NLGN4X: variants seen among roughly 807,000 people sequenced by gnomAD.
NLGN4X encodes the protein neuroligin 4 X-linked.
Under a neutral mutation model 40.3 loss-of-function variants are expected in NLGN4X, and 3 were observed. The observed-to-expected ratio is 0.07, with a 90% confidence interval of 0.03 to 0.19. The LOEUF is 0.19. NLGN4X is among the 10% of genes least tolerant of loss of function. The pLI is 1.00. For missense variants in NLGN4X, 382 were observed against 708.3 expected, an observed-to-expected ratio of 0.54 and a Z score of 5.23; for synonymous variants, 270 against 306.8, an observed-to-expected ratio of 0.88 and a Z score of 1.25.
chrX:6,014,074 C>T (rs1479488119), intron 3 of NLGN4X, among the ~76,000 whole-genome samples: 4 of 107,651 alleles, frequency 3.7e-5, no homozygotes, highest in Admixed American at 1.0e-4. Flanking sequence ...CCCAGCTACT[C>T]GGGAGGCTGA....
chrX:5,950,921 T>C lies in NLGN4X; in HGVS notation c.626-41682A>G, dbSNP rs185967723. Among the ~76,000 whole-genome samples, 5 of 111,924 alleles carry C rather than the reference T, an allele frequency of 4.5e-5. No homozygotes were observed. The East Asian group carries it at 1.4e-3, about 32-fold the overall frequency. ...GAGAAGAAACATCCCCACCACAACA[T>C]GATTATAAGAAGGGTCATATGGTTG... is the stretch of plus-strand genomic sequence containing the variant. On this transcript the variant is annotated intron_variant, in intron 3 of 5. Transcript: ENST00000381095.
chrX:6,083,314 C>T (rs905323881), intron 2 of NLGN4X, among the ~76,000 whole-genome samples: 3 of 110,941 alleles, frequency 2.7e-5, no homozygotes, highest in African/African-American at 9.8e-5. Context: ...GCTCTTTGCC[C>T]CTGTGCCATT....
intron 2 of NLGN4X, among the ~76,000 whole-genome samples, chrX:6,084,664 GAC>G (rs1014993438): frequency 1.8e-5 from 2 of 111,227 alleles, no homozygotes; most frequent in Non-Finnish European, 3.8e-5. Flanking sequence ...ACCCTAGTAA[GAC>G]AGTGTTGCAG....
intron 3 of NLGN4X, among the ~76,000 whole-genome samples, chrX:5,978,316 CTTT>C (rs755392189): frequency 0.11 from 9,946 of 92,648 alleles, 939 homozygotes; most frequent in African/African-American, 0.29. Flanking sequence ...TTCTTTCTTT[CTTT>C]CTTTCTTTCT....
At position 6,151,108 on chromosome X, in the gene NLGN4X, A is replaced by G. The variant is rs2147701245; in HGVS notation, c.359T>C (p.Leu120Pro). ...AAACCAGATGGGCAGCATGTCATGC[A>G]GTAAGGATCTCTCATCCAGGTGCTG... The part of the protein sequence containing the change: ...CPQHLDERSL[L>P]HDMLPIWFTA... The change falls in exon 2 of 6, where the codon CTG becomes CCG. Residue 120 changes from leucine to proline, a missense_variant. Physicochemically the swap from Leu to Pro is moderately conservative, Grantham distance 98 (BLOSUM62 -3). Around this residue, in one of 5 missense-constraint regions of NLGN4X, gnomAD observed 115 missense variants for 149.6 expected, o/e 0.77. Transcript: ENST00000381095. 1.7e-6 allele frequency: 2 copies of G among 1,211,806 alleles called. No individual in the cohort carries two copies. The highest frequency in any genetic ancestry group is 2.2e-6 in the Non-Finnish European group (2 of 895,353).
At chrX:6,194,169 C>A (rs1325966825) in intron 1 of NLGN4X, among the ~76,000 whole-genome samples, 1 of 111,226 alleles carries the variant, frequency 9.0e-6, no homozygotes, top group Non-Finnish European at 1.9e-5. Flanking sequence ...GGCGACAGAG[C>A]AAGACCCTGT....
intron 3 of NLGN4X, among the ~76,000 whole-genome samples, chrX:5,989,343 C>T (rs12842490): frequency 3.8e-4 from 42 of 111,648 alleles, no homozygotes; most frequent in Non-Finnish European, 7.7e-4. Context: ...GCAGTCTTAC[C>T]TTATTGTAAT....
At chrX:5,974,689 G>A (rs1248500819) in intron 3 of NLGN4X, among the ~76,000 whole-genome samples, 1 of 111,047 alleles carries the variant, frequency 9.0e-6, no homozygotes, top group Non-Finnish European at 1.9e-5. Context: ...CGTTACCCAC[G>A]GGGGACACGT....
chrX:6,115,178 G>T (rs1458903008), intron 2 of NLGN4X, among the ~76,000 whole-genome samples: 1 of 111,754 alleles, frequency 8.9e-6, no homozygotes, highest in Admixed American at 9.5e-5. Flanking sequence ...GAGGAAATAT[G>T]GTTGTAGGTG....
chrX:6,214,322 C>G (rs1048406257), intron 1 of NLGN4X, among the ~76,000 whole-genome samples: 1 of 111,396 alleles, frequency 9.0e-6, no homozygotes, highest in Non-Finnish European at 1.9e-5. Flanking sequence ...TCATCTCTCT[C>G]TTGGAGAGTT....
At chrX:6,054,030 T>G (rs1009928252) in intron 2 of NLGN4X, among the ~76,000 whole-genome samples, 1 of 112,187 alleles carries the variant, frequency 8.9e-6, no homozygotes, top group African/African-American at 3.2e-5. Context: ...CCACTAAAAA[T>G]CAATAGCTTT....
At chrX:5,919,818 G>A (rs1344270241) in intron 3 of NLGN4X, among the ~76,000 whole-genome samples, 2 of 111,761 alleles carry the variant, frequency 1.8e-5, no homozygotes, top group Non-Finnish European at 3.8e-5. Flanking sequence ...AAAGTGTTGA[G>A]GACTGCTGCT....
At chrX:5,979,021 T>C (rs1239370439) in intron 3 of NLGN4X, among the ~76,000 whole-genome samples, 2 of 111,047 alleles carry the variant, frequency 1.8e-5, no homozygotes, top group Non-Finnish European at 3.8e-5. Context: ...CACATATATA[T>C]ACATGTACAT....
At chrX:5,940,560 A>G (rs2033888580) in intron 3 of NLGN4X, among the ~76,000 whole-genome samples, 1 of 109,018 alleles carries the variant, frequency 9.2e-6, no homozygotes, top group African/African-American at 3.3e-5. Flanking sequence ...ACTAAAAGGA[A>G]TATGTGATAC....
chrX:6,036,610 G>GCACACACACACA (rs55801725), intron 2 of NLGN4X, among the ~76,000 whole-genome samples: 3 of 93,562 alleles, frequency 3.2e-5, no homozygotes, highest in Admixed American at 2.4e-4. Flanking sequence ...TGTGGCTGGC[G>GCACACACACACA]CACACACACA....
chrX:5,936,716 G>C (rs777990291), intron 3 of NLGN4X, among the ~76,000 whole-genome samples: 17 of 112,055 alleles, frequency 1.5e-4, no homozygotes, highest in Non-Finnish European at 3.2e-4. Context: ...GAGTTCCCTC[G>C]TGTATACAAA....
chrX:6,096,923 G>A (rs770830896), intron 2 of NLGN4X, among the ~76,000 whole-genome samples: 161 of 105,462 alleles, frequency 1.5e-3, no homozygotes, highest in African/African-American at 5.4e-3. Flanking sequence ...GGACATTGAT[G>A]GTGCTGTTGA....
intron 2 of NLGN4X, among the ~76,000 whole-genome samples, chrX:6,035,500 G>A (rs927389907): frequency 5.4e-5 from 6 of 111,934 alleles, no homozygotes; most frequent in African/African-American, 1.9e-4. Flanking sequence ...AGAGGTAAGA[G>A]TTGAAATTGA....
chrX:6,194,093 G>A (rs1922829624), intron 1 of NLGN4X, among the ~76,000 whole-genome samples: 1 of 111,314 alleles, frequency 9.0e-6, no homozygotes, highest in African/African-American at 3.3e-5. Flanking sequence ...TGAGGTGGGA[G>A]GATCACTTGA....
Sources: allele counts gnomAD v4.1 joint callset (sites outside exome capture counted in the v4.1 genomes callset), GRCh38; gene constraint gnomAD v4.1.1; regional missense constraint gnomAD v4.1.1; transcripts MANE v1.5; gene names NCBI Gene and HGNC (gene_info 2026-07-23, HGNC 2026-07-21).